Variants in WDR49 observed in about 807,000 individuals in gnomAD.
The protein encoded by WDR49 is cilia- and flagella-associated protein 337.
In WDR49, 107 loss-of-function variants were observed where a neutral mutation model predicts 119.5. The observed-to-expected ratio is 0.90, with a 90% confidence interval of 0.77 to 1.05. The LOEUF is 1.05. WDR49 is among the 50% of genes least tolerant of loss of function. The probability of loss-of-function intolerance (pLI) is 0.00; values close to 1 mark genes in which losing one functional copy is unlikely to be tolerated. For synonymous variants in WDR49, 425 were observed against 418.8 expected (o/e 1.01, Z -0.18); for missense variants, 1,240 against 1,220.5 (o/e 1.02, Z -0.24).
chr3:167,551,563 A>G (rs1002060300), intron 10 of WDR49, among the ~76,000 whole-genome samples: 1 of 152,032 alleles, frequency 6.6e-6, no homozygotes, highest in Non-Finnish European at 1.5e-5. Flanking sequence ...TGACTTTGGC[A>G]CAGAATTCTA....
At position 167,531,194 on chromosome 3, in the gene WDR49, G is replaced by T. The variant is rs1443072399; in HGVS notation, c.2139C>A (p.Asn713Lys). The T allele has an allele frequency of 6.2e-7, 1 of 1,611,866 alleles. No homozygotes were observed. Among genetic ancestry groups the T allele is most frequent in the Non-Finnish European group, 8.5e-7 (1 of 1,179,584 alleles). ...MADHSTTGVR[N>K]FEIDTEGKNA... is the part of the protein sequence containing the mutation. Reference sequence around the variant, plus strand: ...TTTTGCCCTCAGTGTCAATCTCAAAGTTGCGGACTCCCGTGGTAGAATGGT... The same window carrying T: ...TTTTGCCCTCAGTGTCAATCTCAAATTTGCGGACTCCCGTGGTAGAATGGT... The change falls in exon 13 of 19, where the codon AAC becomes AAA. Residue 713 changes from asparagine to lysine, a missense_variant. By Grantham distance (94) the Asn-to-Lys change is moderately conservative. Transcript: ENST00000682715.
intron 7 of WDR49, among the ~76,000 whole-genome samples, chr3:167,576,425 A>C (rs1714256746): frequency 6.6e-6 from 1 of 152,186 alleles, no homozygotes; most frequent in South Asian, 2.1e-4. Flanking sequence ...TGTTGTAGGC[A>C]GAATAGTAGT....
At chr3:167,605,325 T>C (rs1276398855) in intron 5 of WDR49, among the ~76,000 whole-genome samples, 1 of 152,138 alleles carries the variant, frequency 6.6e-6, no homozygotes, top group Non-Finnish European at 1.5e-5. Flanking sequence ...GCTATCTCCC[T>C]AGGAAATAAA....
chr3:167,572,924 A>G (rs1413610649), intron 8 of WDR49, among the ~76,000 whole-genome samples: 1 of 152,186 alleles, frequency 6.6e-6, no homozygotes, highest in African/African-American at 2.4e-5. Context: ...GACATTCCTG[A>G]GGAGAAGCAG....
Position 167,495,883 on chromosome 3 carries a change from G to GAAAAAAAAAAAAAAAAAAAAAA in WDR49, c.3031+4248_3031+4269dup. Among the ~76,000 whole-genome samples the GAAAAAAAAAAAAAAAAAAAAAA allele has an allele frequency of 2.8e-5, 2 of 71,226 alleles. 1 individual carries two copies. The highest frequency in any genetic ancestry group is 5.5e-5 in the Non-Finnish European group (2 of 36,696). The allele number at this position is 71,226 out of a possible 152,430, so 46.7% of individuals were successfully genotyped here. ...GGAAATAAGTTAACTTTAAAAATTT[G>GAAAAAAAAAAAAAAAAAAAAAA]AAAAAAAAAAAAAAAAAAAAAAAGC... On this transcript the variant is annotated intron_variant, in intron 18 of 18. Coordinates refer to ENST00000682715, the MANE Select transcript of WDR49 (RefSeq NM_001366157.1).
intron 16 of WDR49, among the ~76,000 whole-genome samples, chr3:167,513,951 A>C (rs1397578805): frequency 1.3e-5 from 2 of 152,238 alleles, no homozygotes; most frequent in African/African-American, 4.8e-5. Context: ...GAGAACCCAG[A>C]ATCATAAAAC....
chr3:167,490,332 T>C (rs1751086609), intron 18 of WDR49, among the ~76,000 whole-genome samples: 1 of 152,126 alleles, frequency 6.6e-6, no homozygotes, highest in African/African-American at 2.4e-5. Flanking sequence ...TTTGAGATAA[T>C]TTAGTGTTAT....
intron 5 of WDR49, among the ~76,000 whole-genome samples, chr3:167,614,098 C>T (rs1236877179): frequency 6.6e-6 from 1 of 152,004 alleles, no homozygotes; most frequent in Non-Finnish European, 1.5e-5. Context: ...TTTCTTGTCC[C>T]CCCTCCTGCG....
chr3:167,633,473 C>T, intron 2 of WDR49: 1 of 456,232 alleles, frequency 2.2e-6, no homozygotes, highest in Non-Finnish European at 4.4e-6. Context: ...TGAGTAATCC[C>T]AGCTTCTGTC....
At chr3:167,517,515 T>G (rs1752260677) in intron 16 of WDR49, among the ~76,000 whole-genome samples, 1 of 152,040 alleles carries the variant, frequency 6.6e-6, no homozygotes. Context: ...TATACAAAAA[T>G]TAACTCAAAA....
intron 18 of WDR49, among the ~76,000 whole-genome samples, chr3:167,484,226 G>A (rs1320888672): frequency 6.6e-6 from 1 of 152,058 alleles, no homozygotes; most frequent in Non-Finnish European, 1.5e-5. Context: ...TTTAGATAAG[G>A]GAGATTATCC....
At chr3:167,602,510 G>T (rs1454490750) in intron 6 of WDR49, among the ~76,000 whole-genome samples, 2 of 151,994 alleles carry the variant, frequency 1.3e-5, no homozygotes, top group South Asian at 4.1e-4. Context: ...AAGGGGAAAA[G>T]GCTATGTATG....
intron 10 of WDR49, among the ~76,000 whole-genome samples, chr3:167,542,772 A>G (rs1711922261): frequency 6.6e-6 from 1 of 152,072 alleles, no homozygotes; most frequent in Non-Finnish European, 1.5e-5. Context: ...CAGCAGAAGA[A>G]AAAATATAAC....
chr3:167,500,235 G>A lies in WDR49; in HGVS notation c.2949C>T (p.Phe983=), dbSNP rs778264775. 19 of 1,606,028 alleles carry A rather than the reference G, an allele frequency of 1.2e-5. 1 individual carries two copies. The South Asian group carries it at 1.9e-4, about 16-fold the overall frequency. The part of the protein sequence containing the change: ...EELPEVNKPA[F]LLDPEKYFRK... Reference sequence around the variant, plus strand: ...TAAAGTATTTCTCAGGGTCTAGAAGGAAAGCAGGTTTATTCACTTCAGGCA... The same window carrying A: ...TAAAGTATTTCTCAGGGTCTAGAAGAAAAGCAGGTTTATTCACTTCAGGCA... The change falls in exon 18 of 19, where the codon TTC becomes TTT. Residue 983 remains phenylalanine, a synonymous_variant. Transcript: ENST00000682715.
At chr3:167,645,371 T>G (rs1718071935) in intron 2 of WDR49, among the ~76,000 whole-genome samples, 1 of 151,906 alleles carries the variant, frequency 6.6e-6, no homozygotes, top group African/African-American at 2.4e-5. Context: ...CCATAATGCC[T>G]GGCTAGTTTT....
intron 8 of WDR49, chr3:167,575,273 T>C: frequency 1.0e-6 from 1 of 985,852 alleles, no homozygotes; most frequent in South Asian, 4.7e-5. Flanking sequence ...TGGGCCGCCC[T>C]GTCCTCCAAG....
chr3:167,559,071 CTT>C (rs1713112167), intron 9 of WDR49, among the ~76,000 whole-genome samples: 1 of 152,290 alleles, frequency 6.6e-6, no homozygotes, highest in East Asian at 1.9e-4. Flanking sequence ...CATAGGCCAA[CTT>C]CTACTGATTT....
chr3:167,481,419 G>T (rs1032004745), intron 18 of WDR49, among the ~76,000 whole-genome samples: 2 of 151,738 alleles, frequency 1.3e-5, no homozygotes, highest in African/African-American at 4.8e-5. Flanking sequence ...AAAATCACAA[G>T]GGAGAACAGA....
At chr3:167,613,940 A>T (rs1403454278) in intron 5 of WDR49, among the ~76,000 whole-genome samples, 1 of 65,448 alleles carries the variant, frequency 1.5e-5, no homozygotes, top group Non-Finnish European at 3.0e-5. Context: ...ACTCTGTCTC[A>T]AAAAAAAAAA....
Sources: gnomAD v4.1 joint callset for allele counts (sites outside exome capture counted in the v4.1 genomes callset) on GRCh38, gnomAD v4.1.1 for gene constraint, MANE v1.5 for transcripts, NCBI Gene and HGNC (gene_info 2026-07-23, HGNC 2026-07-21) for gene names.